Variants in SRC observed in about 807,000 individuals in gnomAD.
The protein encoded by SRC is proto-oncogene tyrosine-protein kinase Src.
A neutral mutation model predicts 62.9 loss-of-function variants in SRC; 13 were observed. That is an observed-to-expected ratio of 0.21 (90% CI 0.13 to 0.33). SRC has a LOEUF of 0.33. SRC is among the 10% of genes least tolerant of loss of function. The probability of loss-of-function intolerance (pLI) is 1.00; values close to 1 mark genes in which losing one functional copy is unlikely to be tolerated. For synonymous variants in SRC, 302 were observed against 317.5 expected (o/e 0.95, Z 0.52); for missense variants, 457 against 737.3 (o/e 0.62, Z 4.40).
intron 1 of SRC, among the ~76,000 whole-genome samples, chr20:37,358,915 C>T (rs1355558699): frequency 1.3e-5 from 2 of 152,280 alleles, no homozygotes; most frequent in African/African-American, 4.8e-5. Flanking sequence ...GCCGCGGACA[C>T]GGGACCAGGC....
chr20:37,356,454 A>G lies in SRC; in HGVS notation c.-246-8750A>G, dbSNP rs151086059. The stretch of plus-strand genomic sequence containing the variant: ...GCCCTGGTGGCCGCACTGAGAACAG[A>G]TGGGCCTGGAGAGAAGCAGGCACTG... On this transcript the variant is annotated intron_variant, in intron 1 of 13. Transcript: ENST00000373578. Among the ~76,000 whole-genome samples, 1,028 of 150,404 alleles carry G rather than the reference A, an allele frequency of 6.8e-3. 12 individuals are homozygous for G. The highest frequency in any genetic ancestry group is 9.4e-3 in the Non-Finnish European group (636 of 67,464).
intron 3 of SRC, among the ~76,000 whole-genome samples, chr20:37,383,181 C>G (rs6012089): frequency 0.27 from 41,010 of 152,086 alleles, 8,038 homozygotes; most frequent in African/African-American, 0.56. Flanking sequence ...AAGACAGACA[C>G]AAGTCAGGGG....
chr20:37,405,337 A>C lies in SRC; in HGVS notation c.*1958A>C, dbSNP rs1601028962. 9.9e-6 allele frequency: 1 copy of C among 100,794 alleles called. No homozygotes were observed. The allele number at this position is 100,794 out of a possible 1,614,324, so 6.2% of individuals were successfully genotyped here. A position where few individuals can be genotyped will look rare whatever the true frequency, so the allele number is the denominator to read the frequency against. On this transcript the variant is annotated 3_prime_UTR_variant, in exon 14 of 14. Transcript: ENST00000373578. ...GGGGCTCCGAAATTCCAAGGCCCAG[A>C]CTTGCGGGGGGTGGGGGGGTATCCA... is the stretch of plus-strand genomic sequence containing the variant.
chr20:37,403,315 A>G lies in SRC; in HGVS notation c.1547A>G (p.Gln516Arg). 1 of 1,606,498 alleles carries G rather than the reference A, an allele frequency of 6.2e-7. No individual in the cohort carries two copies. Residue 516 changes from glutamine (Q) to arginine (R), a missense_variant, in exon 14 of 14, where the codon CAG (glutamine) becomes CGG (arginine). Transcript: ENST00000373578. The surrounding 1 kb of genome is among the most constrained non-coding windows in gnomAD (Gnocchi z 7.1). ...PEERPTFEYL[Q>R]AFLEDYFTST... ...GAGCGGCCCACCTTCGAGTACCTGC[A>G]GGCCTTCCTGGAGGACTACTTCACG...
At chr20:37,345,287 A>G (rs1000645477), upstream of SRC, among the ~76,000 whole-genome samples, 1 of 152,086 alleles carries the variant, frequency 6.6e-6, no homozygotes, top group African/African-American at 2.4e-5. Context: ...AGCCTGCGCC[A>G]GGGGGTAAGA....
At chr20:37,399,040 C>T (rs2147112675) in intron 9 of SRC, among the ~76,000 whole-genome samples, 1 of 152,320 alleles carries the variant, frequency 6.6e-6, no homozygotes, top group Non-Finnish European at 1.5e-5. Flanking sequence ...GCAGCTTCCC[C>T]CAGAGCCCCA....
At position 37,400,104 on chromosome 20, in the gene SRC, C is replaced by T. The variant is rs760371970; in HGVS notation, c.860-11C>T. The T allele has an allele frequency of 1.1e-5, 17 of 1,591,568 alleles. No individual in the cohort carries two copies. The East Asian group carries it at 1.1e-4, about 11-fold the overall frequency. ...GGCTCCACTGAGTCAGCCTGCATCC[C>T]TCCTCAACAGGGACCTGGAACGGTA... is the stretch of plus-strand genomic sequence containing the variant. On this transcript the variant is annotated splice_polypyrimidine_tract_variant and intron_variant, in intron 9 of 13. Coordinates refer to ENST00000373578, the MANE Select transcript of SRC (RefSeq NM_198291.3).
intron 5 of SRC, among the ~76,000 whole-genome samples, chr20:37,388,886 C>T (rs982119577): frequency 2.0e-5 from 3 of 152,106 alleles, no homozygotes; most frequent in Non-Finnish European, 4.4e-5. Context: ...CACCTCATCC[C>T]GGGGACCCGC....
chr20:37,399,364 C>A (rs969583935), intron 9 of SRC, among the ~76,000 whole-genome samples: 4 of 152,108 alleles, frequency 2.6e-5, no homozygotes, highest in East Asian at 1.9e-4. Flanking sequence ...CTGGCAACAG[C>A]CTTAGAAATC....
intron 5 of SRC, among the ~76,000 whole-genome samples, chr20:37,390,432 C>G (rs1298664873): frequency 9.1e-6 from 1 of 109,930 alleles, no homozygotes; most frequent in African/African-American, 3.5e-5. Context: ...GGATCTTGCT[C>G]TGTGGCCCAG....
In SRC at chr20:37,404,108, G is replaced by A. The variant is rs906377843; in HGVS notation, c.*729G>A. 4.3e-6 allele frequency: 1 copy of A among 233,730 alleles called. No homozygotes were observed. Among genetic ancestry groups the A allele is most frequent in the South Asian group, 1.8e-4 (1 of 5,534 alleles). 14.5% of individuals were successfully genotyped at this position (233,730 alleles called of 1,614,324 possible). A position where few individuals can be genotyped will look rare whatever the true frequency, so the allele number is the denominator to read the frequency against. On this transcript the variant is annotated 3_prime_UTR_variant, in exon 14 of 14. Coordinates refer to ENST00000373578, the MANE Select transcript of SRC (RefSeq NM_198291.3). Reference sequence around the variant, plus strand: ...AGGCCACGGAGCAGTTCAGAGTGGAGGCGGGCTTGGAACCCGGTGCTCCCT... The same window carrying A: ...AGGCCACGGAGCAGTTCAGAGTGGAAGCGGGCTTGGAACCCGGTGCTCCCT...
chr20:37,359,214 G>A (rs2069929058), intron 1 of SRC, among the ~76,000 whole-genome samples: 1 of 152,222 alleles, frequency 6.6e-6, no homozygotes, highest in South Asian at 2.1e-4. Flanking sequence ...ATTCCTGTGG[G>A]GCCCTAGGTG....
chr20:37,365,767 A>G (rs1165038079), intron 2 of SRC, among the ~76,000 whole-genome samples: 1 of 152,096 alleles, frequency 6.6e-6, no homozygotes, highest in Non-Finnish European at 1.5e-5. Flanking sequence ...ATTTTTTTGT[A>G]GAGACAGAGT....
intron 5 of SRC, among the ~76,000 whole-genome samples, chr20:37,391,528 A>G (rs1251352249): frequency 6.6e-6 from 1 of 152,010 alleles, no homozygotes; most frequent in Non-Finnish European, 1.5e-5. Flanking sequence ...AAGTCGCTGC[A>G]CCTCTCTGTC....
chr20:37,352,010 T>C (rs552750074), intron 1 of SRC, among the ~76,000 whole-genome samples: 27 of 152,360 alleles, frequency 1.8e-4, no homozygotes, highest in African/African-American at 5.8e-4. Context: ...CGTGGAGTAC[T>C]GGGATCTTGG....
intron 5 of SRC, among the ~76,000 whole-genome samples, chr20:37,387,675 A>G (rs2147067053): frequency 6.6e-6 from 1 of 152,246 alleles, no homozygotes; most frequent in Admixed American, 6.5e-5. Context: ...CTAAACTGGG[A>G]GCTGCTGGAG....
chr20:37,403,160 T>C lies in SRC; in HGVS notation c.1403-11T>C, dbSNP rs2070768905. On this transcript the variant is annotated splice_polypyrimidine_tract_variant and intron_variant, in intron 13 of 13. Coordinates refer to ENST00000373578, the MANE Select transcript of SRC (RefSeq NM_198291.3). This position sits in a 1 kb window ranked among gnomAD's most constrained non-coding sequence, Gnocchi z 7.1. ...CGGAGCCGGGCTCCCCATGCCTCGC[T>C]CTGCCCACAGGGATGGTGAACCGCG... is the stretch of plus-strand genomic sequence containing the variant. 2 of 1,529,700 alleles carry C rather than the reference T, an allele frequency of 1.3e-6. No homozygotes were observed. Among genetic ancestry groups the C allele is most frequent in the African/African-American group, 2.7e-5 (2 of 72,834 alleles). The allele number at this position is 1,529,700 out of a possible 1,614,324, so 94.8% of individuals were successfully genotyped here.
rs150703147 is a variant in SRC at position 37,371,690 on chromosome 20, A to G, written c.-173+6413A>G. ...AGGTTATTGATTTGAAATCTTTCTT[A>G]TTTTTATTTTTATTTATTTACTTAT... On this transcript the variant is annotated intron_variant, in intron 2 of 13. Transcript: ENST00000373578. 1.6e-3 allele frequency among the ~76,000 whole-genome samples: 246 copies of G among 151,706 alleles called. 2 individuals are homozygous for G. The highest frequency in any genetic ancestry group is 5.6e-3 in the African/African-American group (231 of 41,366).
At chr20:37,354,221 G>A (rs779548515) in intron 1 of SRC, among the ~76,000 whole-genome samples, 44 of 152,216 alleles carry the variant, frequency 2.9e-4, no homozygotes, top group Non-Finnish European at 5.7e-4. Context: ...CCTAGAACCT[G>A]AGAAGGGACT....
Sources: allele counts gnomAD v4.1 joint callset (sites outside exome capture counted in the v4.1 genomes callset), GRCh38; gene constraint gnomAD v4.1.1; non-coding constraint Gnocchi (gnomAD v3.1); transcripts MANE v1.5; gene names NCBI Gene and HGNC (gene_info 2026-07-23, HGNC 2026-07-21).